The following LINS1 variants were observed in gnomAD, a reference collection of about 807,000 sequenced individuals.
LINS1 encodes protein Lines homolog 1.
LINS1 carries 27 observed loss-of-function variants against 41.6 expected under a neutral mutation model. The ratio of observed to expected loss-of-function variants is 0.65; its 90% CI spans 0.48 to 0.89. The LOEUF (loss-of-function observed/expected upper bound fraction) is 0.89, where lower values mean the gene tolerates loss of function less well. Ranked by LOEUF, LINS1 falls within the 40% of genes least tolerant of loss-of-function variation. The pLI is 0.00. For synonymous variants in LINS1, 336 were observed against 312.9 expected (o/e 1.07, Z -0.78); for missense variants, 955 against 884.1 (o/e 1.08, Z -1.02).
chr15:100,600,569 A>AAAAAAAAAAAAAG (rs2039443214), intron 1 of LINS1, among the ~76,000 whole-genome samples: 1 of 150,848 alleles, frequency 6.6e-6, no homozygotes, highest in Non-Finnish European at 1.5e-5. Flanking sequence ...AAAAAAAAAA[A>AAAAAAAAAAAAAG]AACAGGGAGA....
intron 1 of LINS1, among the ~76,000 whole-genome samples, chr15:100,582,821 C>T (rs1374615675): frequency 2.0e-5 from 3 of 146,578 alleles, no homozygotes; most frequent in Non-Finnish European, 4.5e-5. Context: ...CTAGCCTAGT[C>T]TTGGTCTTAA....
intron 1 of LINS1, chr15:100,586,422 T>G (rs540712532): frequency 6.6e-6 from 1 of 152,380 alleles, no homozygotes; most frequent in East Asian, 1.9e-4. Flanking sequence ...TGATGCTCAT[T>G]TAATATCTGG....
intron 1 of LINS1, among the ~76,000 whole-genome samples, chr15:100,589,157 C>G (rs189121767): frequency 1.3e-5 from 2 of 152,204 alleles, no homozygotes; most frequent in East Asian, 3.9e-4. Context: ...ACTGAGACTA[C>G]TGAAGAAACA....
At chr15:100,596,317 G>T (rs1428792010) in intron 1 of LINS1, among the ~76,000 whole-genome samples, 2 of 152,274 alleles carry the variant, frequency 1.3e-5, no homozygotes, top group South Asian at 4.1e-4. Context: ...TTCTGGGGTG[G>T]GGCCCAGTAA....
intron 1 of LINS1, among the ~76,000 whole-genome samples, chr15:100,599,038 T>C (rs1344753957): frequency 1.3e-5 from 2 of 152,242 alleles, no homozygotes; most frequent in Non-Finnish European, 2.9e-5. Flanking sequence ...GCTGCAGTGG[T>C]GCTGGGGCAT....
intron 1 of LINS1, among the ~76,000 whole-genome samples, chr15:100,599,138 AT>A (rs1270885020): frequency 6.6e-6 from 1 of 152,240 alleles, no homozygotes; most frequent in East Asian, 1.9e-4. Flanking sequence ...ATGAATACTT[AT>A]CCCAAATTAT....
Position 100,568,269 on chromosome 15 carries a change from A to G in LINS1, c.*969T>C, listed in dbSNP as rs2037626786. 1 of 152,232 alleles carries G rather than the reference A, an allele frequency of 6.6e-6. No individual in the cohort carries two copies. Among genetic ancestry groups the G allele is most frequent in the South Asian group, 2.1e-4 (1 of 4,832 alleles). The allele number at this position is 152,232 out of a possible 1,614,324, so 9.4% of individuals were successfully genotyped here. A position where few individuals can be genotyped will look rare whatever the true frequency, so the allele number is the denominator to read the frequency against. ...TTTCTGTGTAAATACCCCAGAAGGAAATAGTAACTGTATTTGGTTAGTGAC... is the reference window on the plus strand; with the variant it reads ...TTTCTGTGTAAATACCCCAGAAGGAGATAGTAACTGTATTTGGTTAGTGAC... On this transcript the variant is annotated 3_prime_UTR_variant, in exon 7 of 7. Coordinates refer to ENST00000314742, the MANE Select transcript of LINS1 (RefSeq NM_001040616.3).
In LINS1 at chr15:100,580,642, A is replaced by T; in HGVS notation, c.201T>A (p.Ala67=). 6.2e-7 allele frequency: 1 copy of T among 1,613,954 alleles called. No homozygotes were observed. The highest frequency in any genetic ancestry group is 8.5e-7 in the Non-Finnish European group (1 of 1,179,926). Residue 67 remains alanine, a synonymous_variant, in exon 2 of 7, where the codon GCT becomes GCA. Coordinates refer to ENST00000314742, the MANE Select transcript of LINS1 (RefSeq NM_001040616.3). ...AACACACAGGTGCTACAGCAATGGG[A>T]GCCACACCAACAGAGATGGGCTGAT... The part of the protein sequence containing the change: ...GRHQPISVGV[A]PIAVAPVCLK...
intron 1 of LINS1, 106 bp from the exon 2 acceptor site, chr15:100,581,051 C>T: frequency 2.0e-6 from 1 of 495,638 alleles, no homozygotes; most frequent in East Asian, 3.1e-5. Context: ...AAAGGGGATG[C>T]TGACTGCTTA....
rs1382632530 is a variant in LINS1 at position 100,574,039 on chromosome 15, C to T, written c.834G>A (p.Leu278=). ...TAACTTCTAGCATGCAAGATGGTTT[C>T]AAAAATAAAATCCTCTGGCAAGTGA... ...LHFTCQRILF[L]KPSCMLEVIT... is the part of the protein sequence containing the mutation. Residue 278 remains leucine, a synonymous_variant, in exon 5 of 7, where the codon TTG becomes TTA. Transcript: ENST00000314742. The T allele has an allele frequency of 1.9e-6, 3 of 1,613,842 alleles. No individual in the cohort carries two copies. The highest frequency in any genetic ancestry group is 2.5e-6 in the Non-Finnish European group (3 of 1,179,866).
chr15:100,594,066 A>C (rs933864788), intron 1 of LINS1, among the ~76,000 whole-genome samples: 1 of 152,172 alleles, frequency 6.6e-6, no homozygotes. Flanking sequence ...TCCCTGGCAA[A>C]AAATGGCATA....
chr15:100,592,545 T>C (rs1018284027), intron 1 of LINS1, among the ~76,000 whole-genome samples: 1 of 151,666 alleles, frequency 6.6e-6, no homozygotes, highest in Non-Finnish European at 1.5e-5. Flanking sequence ...TCCAAAAAAA[T>C]CACCTCATTA....
At chr15:100,585,181 C>A (rs923020350) in intron 1 of LINS1, among the ~76,000 whole-genome samples, 1 of 152,230 alleles carries the variant, frequency 6.6e-6, no homozygotes, top group African/African-American at 2.4e-5. Flanking sequence ...CACCTAAGGT[C>A]AGAGACGTCT....
rs117825322 is a variant in LINS1 at position 100,580,800 on chromosome 15, C to G, written c.43G>C (p.Val15Leu). 2.5e-6 allele frequency: 4 copies of G among 1,611,154 alleles called. No individual in the cohort carries two copies. The African/African-American group carries it at 5.3e-5, about 22-fold the overall frequency. ...CEVLEELYKK[V>L]LLGATLENDS... is the part of the protein sequence containing the mutation. ...TTTTCAAGTGTGGCTCCAAGAAGTA[C>G]CTTCTTGTATAACTCTTCTAAAACT... is the stretch of plus-strand genomic sequence containing the variant. Residue 15 changes from valine (V) to leucine (L), a missense_variant, in exon 2 of 7, where the codon GTA (valine) becomes CTA (leucine). By Grantham distance (32) the Val-to-Leu change is conservative. Coordinates refer to ENST00000314742, the MANE Select transcript of LINS1 (RefSeq NM_001040616.3).
At chr15:100,581,055 C>T (rs1039381408) in intron 1 of LINS1, 110 bp from the exon 2 acceptor site, 1 of 486,786 alleles carries the variant, frequency 2.1e-6, no homozygotes, top group African/African-American at 1.9e-5. Context: ...GGGATGCTGA[C>T]TGCTTAATTT....
chr15:100,593,096 T>C (rs1449790211), intron 1 of LINS1, among the ~76,000 whole-genome samples: 1 of 152,226 alleles, frequency 6.6e-6, no homozygotes, highest in Non-Finnish European at 1.5e-5. Flanking sequence ...TGGGGGAATG[T>C]GTACTCTTCA....
chr15:100,576,963 C>G (rs548216953), intron 3 of LINS1, among the ~76,000 whole-genome samples: 88 of 152,212 alleles, frequency 5.8e-4, no homozygotes, highest in African/African-American at 2.0e-3. Context: ...AGGCCTTTGA[C>G]AAAATTCAAC....
chr15:100,580,682 C>T lies in LINS1; in HGVS notation c.161G>A (p.Gly54Asp), dbSNP rs2038493197. The change falls in exon 2 of 7, where the codon GGT (glycine) becomes GAT (aspartate). Residue 54 changes from glycine (G) to aspartate (D), a missense_variant. Transcript: ENST00000314742. ...GATGGGCTGATGCCTGCCCTGGATA[C>T]CACAGGTGTTTGCCCATTCTAAGGA... ...ATSLEWANTC[G>D]IQGRHQPISV... 6.2e-7 allele frequency: 1 copy of T among 1,613,804 alleles called. No homozygotes were observed. The highest frequency in any genetic ancestry group is 8.5e-7 in the Non-Finnish European group (1 of 1,179,886).
rs139743163 is a variant in LINS1 at position 100,569,866 on chromosome 15, T to C, written c.1646A>G (p.Glu549Gly). The C allele has an allele frequency of 2.5e-6, 4 of 1,614,042 alleles. No homozygotes were observed. Among genetic ancestry groups the C allele is most frequent in the Non-Finnish European group, 3.4e-6 (4 of 1,179,912 alleles). ...ACAAATACTTATGTCATATTTAGAT[T>C]CAGTTGCATCAAAGTTATTGCAAAT... ...FTICNNFDAT[E>G]SKYDISICGC... The change falls in exon 7 of 7, where the codon GAA (glutamate) becomes GGA (glycine). Residue 549 changes from glutamate (E) to glycine (G), a missense_variant. Transcript: ENST00000314742.
Sources: gnomAD v4.1 joint callset for allele counts (sites outside exome capture counted in the v4.1 genomes callset) on GRCh38, gnomAD v4.1.1 for gene constraint, MANE v1.5 for transcripts, NCBI Gene and HGNC (gene_info 2026-07-23, HGNC 2026-07-21) for gene names.